The following ENAH variants were observed in gnomAD, a reference collection of about 807,000 sequenced individuals.
ENAH encodes protein enabled homolog.
In ENAH, 23 loss-of-function variants were observed where a neutral mutation model predicts 78.7. That is an observed-to-expected ratio of 0.29 (90% confidence interval 0.21 to 0.41). The LOEUF (loss-of-function observed/expected upper bound fraction) is 0.41. Among genes scored for constraint, ENAH ranks in the 10% least tolerant of loss-of-function variants. The pLI is 1.00. For missense variants in ENAH, 544 were observed against 691.0 expected (o/e 0.79, Z 2.39); for synonymous variants, 226 against 241.0 (o/e 0.94, Z 0.58).
chr1:225,510,521 G>T (rs901094203), intron 10 of ENAH, among the ~76,000 whole-genome samples: 20 of 151,910 alleles, frequency 1.3e-4, no homozygotes, highest in African/African-American at 4.8e-4. Flanking sequence ...ACAAACCAGT[G>T]AATTTTTAAT....
At chr1:225,534,419 TC>T (rs2096552175) in intron 3 of ENAH, among the ~76,000 whole-genome samples, 1 of 152,106 alleles carries the variant, frequency 6.6e-6, no homozygotes. Flanking sequence ...TTTCCTTTTT[TC>T]TTTTTTTTAT....
In ENAH at chr1:225,530,514, A is replaced by G. The variant is rs767949823; in HGVS notation, c.434+40T>C. Reference sequence around the variant, plus strand: ...CAGGATGTTCAGTTTTGTCTTCTGAAGCATAAAGAAAAAGTACAAACAATA... The same window carrying G: ...CAGGATGTTCAGTTTTGTCTTCTGAGGCATAAAGAAAAAGTACAAACAATA... On this transcript the variant is annotated intron_variant, in intron 4 of 13. Coordinates refer to ENST00000366843, the MANE Select transcript of ENAH (RefSeq NM_018212.6). 3.3e-6 allele frequency: 5 copies of G among 1,502,426 alleles called. No homozygotes were observed. The African/African-American group carries it at 6.9e-5, about 21-fold the overall frequency. The allele number at this position is 1,502,426 out of a possible 1,614,324, so 93.1% of individuals were successfully genotyped here.
intron 4 of ENAH, among the ~76,000 whole-genome samples, chr1:225,520,168 G>A (rs956752357): frequency 5.3e-5 from 8 of 151,914 alleles, no homozygotes; most frequent in Admixed American, 2.6e-4. Context: ...GGTAGCGTGC[G>A]CCTATAATCC....
chr1:225,593,024 T>C (rs2096884236), intron 1 of ENAH, among the ~76,000 whole-genome samples: 1 of 152,212 alleles, frequency 6.6e-6, no homozygotes, highest in South Asian at 2.1e-4. Flanking sequence ...TGGCACAAAT[T>C]TGCTATATCA....
chr1:225,631,429 C>T (rs1196887397), intron 1 of ENAH, among the ~76,000 whole-genome samples: 1 of 151,688 alleles, frequency 6.6e-6, no homozygotes, highest in East Asian at 1.9e-4. Flanking sequence ...AAAAAATTGG[C>T]TGGACGTGGT....
At chr1:225,551,574 A>G (rs2096640817) in intron 3 of ENAH, among the ~76,000 whole-genome samples, 1 of 152,148 alleles carries the variant, frequency 6.6e-6, no homozygotes, top group Non-Finnish European at 1.5e-5. Context: ...CCCTATATCA[A>G]TCAGAGAAGC....
At chr1:225,561,661 T>TAAAATAAAATAAAATAAAATAAAATA (rs550330495) in intron 2 of ENAH, among the ~76,000 whole-genome samples, 4 of 28,836 alleles carry the variant, frequency 1.4e-4, no homozygotes, top group Non-Finnish European at 3.0e-4. Flanking sequence ...AAAATAAAAT[T>TAAAATAAAATAAAATAAAATAAAATA]AGTATGTTCA....
intron 3 of ENAH, among the ~76,000 whole-genome samples, chr1:225,544,000 G>A (rs184018028): frequency 3.3e-5 from 5 of 152,250 alleles, no homozygotes; most frequent in African/African-American, 4.8e-5. Context: ...CCAAATGCAC[G>A]AAAGCACAGC....
intron 1 of ENAH, among the ~76,000 whole-genome samples, chr1:225,622,677 C>G (rs935520224): frequency 6.6e-6 from 1 of 152,128 alleles, no homozygotes; most frequent in East Asian, 1.9e-4. Context: ...AAGGAGCAAG[C>G]TCCCCTGACC....
intron 1 of ENAH, among the ~76,000 whole-genome samples, chr1:225,614,965 T>C (rs994387464): frequency 1.3e-5 from 2 of 151,680 alleles, no homozygotes; most frequent in African/African-American, 4.8e-5. Flanking sequence ...TCCTTAAGAG[T>C]AATACTTTTC....
At chr1:225,616,018 T>C (rs1171717119) in intron 1 of ENAH, among the ~76,000 whole-genome samples, 3 of 152,212 alleles carry the variant, frequency 2.0e-5, no homozygotes, top group African/African-American at 7.2e-5. Context: ...GCTGTTAATC[T>C]ATAACCTTAC....
chr1:225,498,252 C>G, intron 13 of ENAH, 95 bp downstream of exon 13: 1 of 1,016,454 alleles, frequency 9.8e-7, no homozygotes, highest in Non-Finnish European at 1.5e-6. Flanking sequence ...TTGCCCTCAA[C>G]TAATCAGCTG....
chr1:225,563,437 C>A (rs1385820831), intron 2 of ENAH, among the ~76,000 whole-genome samples: 1 of 152,098 alleles, frequency 6.6e-6, no homozygotes, highest in African/African-American at 2.4e-5. Context: ...TATTATCTAC[C>A]CATATCAGCT....
intron 2 of ENAH, among the ~76,000 whole-genome samples, chr1:225,560,829 T>C (rs1420155392): frequency 1.3e-5 from 2 of 152,246 alleles, no homozygotes; most frequent in Non-Finnish European, 2.9e-5. Context: ...AGAGAAAAGA[T>C]GTGTTACATT....
chr1:225,605,981 C>A (rs1272269959), intron 1 of ENAH, among the ~76,000 whole-genome samples: 1 of 152,204 alleles, frequency 6.6e-6, no homozygotes, highest in Non-Finnish European at 1.5e-5. Flanking sequence ...CAAACTACTA[C>A]AACACTCTTA....
chr1:225,589,317 T>C (rs188920891), intron 1 of ENAH, among the ~76,000 whole-genome samples: 29 of 152,268 alleles, frequency 1.9e-4, no homozygotes, highest in African/African-American at 5.5e-4. Context: ...GGAAAAAATA[T>C]ATATAAGCAT....
intron 1 of ENAH, among the ~76,000 whole-genome samples, chr1:225,631,833 T>C (rs1401138337): frequency 2.6e-5 from 4 of 152,138 alleles, no homozygotes; most frequent in South Asian, 2.1e-4. Flanking sequence ...TCCTAGGTAA[T>C]AGCATACCCA....
At chr1:225,646,159 T>G (rs1427706388) in intron 1 of ENAH, among the ~76,000 whole-genome samples, 1 of 133,978 alleles carries the variant, frequency 7.5e-6, no homozygotes, top group Non-Finnish European at 1.5e-5. Flanking sequence ...CAAAGTTGTA[T>G]GCACTGACAA....
At chr1:225,604,270 C>T (rs1370088944) in intron 1 of ENAH, among the ~76,000 whole-genome samples, 1 of 152,152 alleles carries the variant, frequency 6.6e-6, no homozygotes, top group Non-Finnish European at 1.5e-5. Context: ...GGCTCTCTCA[C>T]TATTTTTATT....
Sources: allele counts gnomAD v4.1 joint callset (sites outside exome capture counted in the v4.1 genomes callset), GRCh38; gene constraint gnomAD v4.1.1; transcripts MANE v1.5; gene names NCBI Gene and HGNC (gene_info 2026-07-23, HGNC 2026-07-21).